FNDC3A: variants seen among roughly 807,000 people sequenced by gnomAD.
FNDC3A encodes the protein fibronectin type-III domain-containing protein 3A.
A neutral mutation model predicts 148.9 loss-of-function variants in FNDC3A; 32 were observed. The observed-to-expected ratio is 0.21, with a 90% CI of 0.16 to 0.29. The LOEUF (loss-of-function observed/expected upper bound fraction) is 0.29, where lower values mean the gene tolerates loss of function less well. Among genes scored for constraint, FNDC3A ranks in the 10% least tolerant of loss-of-function variants. The probability of loss-of-function intolerance (pLI) is 1.00; values close to 1 mark genes in which losing one functional copy is unlikely to be tolerated. For missense variants in FNDC3A, 1,191 were observed against 1,452.8 expected (o/e 0.82, Z 2.93); for synonymous variants, 472 against 473.6 (o/e 1.00, Z 0.04).
chr13:48,994,933 T>C lies in FNDC3A; in HGVS notation c.-39-11219T>C, dbSNP rs9568142. Reference sequence around the variant, plus strand: ...ATGGGGTTCATTATACTATTATGTTTACATTGGTGTATGTTTGAAGTTTTC... The same window carrying C: ...ATGGGGTTCATTATACTATTATGTTCACATTGGTGTATGTTTGAAGTTTTC... On this transcript the variant is annotated intron_variant, in intron 1 of 25. Coordinates refer to ENST00000492622, the MANE Select transcript of FNDC3A (RefSeq NM_001079673.2). Among the ~76,000 whole-genome samples, 81 of 152,316 alleles carry C rather than the reference T, an allele frequency of 5.3e-4. 1 individual carries two copies. Among genetic ancestry groups the C allele is most frequent in the Non-Finnish European group, 1.1e-3 (73 of 68,026 alleles).
chr13:49,136,081 AT>A, intron 5 of FNDC3A, among the ~76,000 whole-genome samples: 1 of 152,210 alleles, frequency 6.6e-6, no homozygotes, highest in Non-Finnish European at 1.5e-5. Context: ...GAGATTAATA[AT>A]TAGTTGAGAA....
chr13:49,099,430 A>G (rs1049924893), intron 3 of FNDC3A, among the ~76,000 whole-genome samples: 3 of 152,132 alleles, frequency 2.0e-5, no homozygotes, highest in African/African-American at 7.2e-5. Flanking sequence ...TAGTAGTGGC[A>G]GAAGTATTTG....
At chr13:49,084,224 A>G (rs1391753546) in intron 3 of FNDC3A, among the ~76,000 whole-genome samples, 1 of 152,184 alleles carries the variant, frequency 6.6e-6, no homozygotes, top group Non-Finnish European at 1.5e-5. Context: ...GAAGTGGAGT[A>G]TTATCTTCCA....
At chr13:49,174,353 G>T in intron 11 of FNDC3A, 82 bp from the exon 12 acceptor site, 2 of 1,147,052 alleles carry the variant, frequency 1.7e-6, no homozygotes, top group South Asian at 1.4e-5. Context: ...TTGCTAATAT[G>T]TAACTGTCAA....
intron 3 of FNDC3A, chr13:49,110,522 A>C: frequency 1.3e-6 from 1 of 755,608 alleles, no homozygotes; most frequent in South Asian, 1.5e-5. Context: ...TCGCCATAAA[A>C]TATTTTAAAT....
intron 4 of FNDC3A, among the ~76,000 whole-genome samples, chr13:49,116,895 G>A (rs372505832): frequency 9.2e-5 from 14 of 152,306 alleles, no homozygotes; most frequent in African/African-American, 9.6e-5. Context: ...TGAAGGACAG[G>A]TGGGGGTTAG....
intron 3 of FNDC3A, among the ~76,000 whole-genome samples, chr13:49,113,733 T>C (rs928853766): frequency 6.6e-6 from 1 of 152,064 alleles, no homozygotes; most frequent in Non-Finnish European, 1.5e-5. Flanking sequence ...TATAAAAAAC[T>C]GGTGGGCATG....
At chr13:49,178,939 C>G (rs1460195542) in intron 14 of FNDC3A, among the ~76,000 whole-genome samples, 1 of 152,132 alleles carries the variant, frequency 6.6e-6, no homozygotes, top group South Asian at 2.1e-4. Flanking sequence ...CTTGCCCAGG[C>G]TGATCTCACA....
chr13:49,026,076 G>A (rs1300648891), intron 2 of FNDC3A, among the ~76,000 whole-genome samples: 1 of 152,172 alleles, frequency 6.6e-6, no homozygotes, highest in Non-Finnish European at 1.5e-5. Context: ...TGGAATACTA[G>A]AATACTATAT....
intron 5 of FNDC3A, among the ~76,000 whole-genome samples, chr13:49,134,490 G>C (rs1247147635): frequency 6.6e-6 from 1 of 152,064 alleles, no homozygotes; most frequent in East Asian, 1.9e-4. Context: ...CAATACTGCT[G>C]TGACCATTTG....
chr13:49,158,582 G>T (rs1197513115), intron 8 of FNDC3A, among the ~76,000 whole-genome samples: 1 of 152,222 alleles, frequency 6.6e-6, no homozygotes, highest in East Asian at 1.9e-4. Flanking sequence ...TGTTCACTCT[G>T]ATGGTAGTTT....
chr13:48,981,163 CTTTT>C (rs368037207), intron 1 of FNDC3A, among the ~76,000 whole-genome samples: 1 of 152,032 alleles, frequency 6.6e-6, no homozygotes, highest in Non-Finnish European at 1.5e-5. Context: ...TGCCCTCCCT[CTTTT>C]TTTGTGAATG....
intron 3 of FNDC3A, among the ~76,000 whole-genome samples, chr13:49,092,729 A>AT (rs1593579256): frequency 1.3e-5 from 2 of 151,696 alleles, no homozygotes; most frequent in East Asian, 3.9e-4. Flanking sequence ...AGTTACATCT[A>AT]TTTTGAGACT....
intron 1 of FNDC3A, among the ~76,000 whole-genome samples, chr13:48,980,512 CAT>C (rs748899116): frequency 1.4e-4 from 21 of 152,160 alleles, no homozygotes; most frequent in Admixed American, 3.3e-4. Flanking sequence ...AAGATTATAT[CAT>C]GTGCACATTA....
At chr13:49,190,504 C>T (rs1593732029) in intron 17 of FNDC3A, among the ~76,000 whole-genome samples, 1 of 152,088 alleles carries the variant, frequency 6.6e-6, no homozygotes, top group African/African-American at 2.4e-5. Flanking sequence ...GGCAACATAC[C>T]AAGACCCCAT....
At chr13:49,110,310 A>G in intron 3 of FNDC3A, 1 of 1,557,564 alleles carries the variant, frequency 6.4e-7, no homozygotes, top group Non-Finnish European at 8.6e-7. Flanking sequence ...CAAAAAAAAA[A>G]AAAGCCGTTC....
At chr13:49,187,445 C>G (rs2138096285) in intron 16 of FNDC3A, 2 of 1,285,592 alleles carry the variant, frequency 1.6e-6, no homozygotes, top group Non-Finnish European at 2.3e-6. Context: ...TTAAAATGCT[C>G]TTCATATCTG....
intron 8 of FNDC3A, chr13:49,146,552 C>T (rs1036181253): frequency 2.6e-5 from 4 of 152,264 alleles, no homozygotes; most frequent in Non-Finnish European, 4.4e-5. Flanking sequence ...GCCTGGCCAA[C>T]ACGGTGAAAC....
chr13:49,132,593 C>T (rs1193101675), intron 5 of FNDC3A, among the ~76,000 whole-genome samples: 1 of 152,162 alleles, frequency 6.6e-6, no homozygotes, highest in Admixed American at 6.5e-5. Context: ...CCAAATGATC[C>T]CTAGGAACCA....
Sources: allele counts gnomAD v4.1 joint callset (sites outside exome capture counted in the v4.1 genomes callset), GRCh38; gene constraint gnomAD v4.1.1; transcripts MANE v1.5; gene names NCBI Gene and HGNC (gene_info 2026-07-23, HGNC 2026-07-21).